The following PTDSS1 variants were observed in gnomAD, a reference collection of about 807,000 sequenced individuals.
PTDSS1 encodes PSS-1.
Under a neutral mutation model 70.5 loss-of-function variants are expected in PTDSS1, and 45 were observed. That is an observed-to-expected ratio of 0.64 (90% CI 0.50 to 0.82). PTDSS1 has a LOEUF of 0.82. PTDSS1 is among the 40% of genes least tolerant of loss of function. PTDSS1 has a pLI of 0.00. For missense variants in PTDSS1, 417 were observed against 586.1 expected, an observed-to-expected ratio of 0.71 and a Z score of 2.98; for synonymous variants, 188 against 203.8, an observed-to-expected ratio of 0.92 and a Z score of 0.66.
intron 7 of PTDSS1, 120 bp downstream of exon 7, chr8:96,304,301 AT>A (rs1811093855): frequency 3.4e-6 from 4 of 1,192,932 alleles, no homozygotes; most frequent in Admixed American, 2.7e-5. Flanking sequence ...ACAAGATATA[AT>A]ATTCTGCAGC....
intron 5 of PTDSS1, among the ~76,000 whole-genome samples, chr8:96,298,994 C>T (rs1218666060): frequency 2.0e-5 from 3 of 150,740 alleles, no homozygotes; most frequent in Non-Finnish European, 2.9e-5. Context: ...GAGCCGAGAT[C>T]GCACCACTGC....
intron 4 of PTDSS1, among the ~76,000 whole-genome samples, chr8:96,292,422 C>T (rs186427986): frequency 6.1e-4 from 92 of 151,876 alleles, no homozygotes; most frequent in Admixed American, 3.1e-3. Flanking sequence ...CAAGGAAGCA[C>T]GATAGTTAAA....
At chr8:96,290,058 G>C (rs923572926) in intron 4 of PTDSS1, among the ~76,000 whole-genome samples, 1 of 152,112 alleles carries the variant, frequency 6.6e-6, no homozygotes, top group African/African-American at 2.4e-5. Context: ...ATGCATGCTA[G>C]ATGTTCATAT....
intron 3 of PTDSS1, 32 bp downstream of exon 3, chr8:96,284,185 T>C (rs1209330899): frequency 6.4e-7 from 1 of 1,558,442 alleles, no homozygotes; most frequent in Non-Finnish European, 8.8e-7. Flanking sequence ...AAAAGGATGT[T>C]CTATTTTTTT....
chr8:96,325,051 A>G (rs1258504170), intron 10 of PTDSS1, among the ~76,000 whole-genome samples: 2 of 152,180 alleles, frequency 1.3e-5, no homozygotes, highest in Admixed American at 1.3e-4. Flanking sequence ...GATGACGGTG[A>G]TAAGATTTAC....
chr8:96,306,541 C>A lies in PTDSS1; in HGVS notation c.992C>A (p.Thr331Lys), dbSNP rs746733290. The A allele has an allele frequency of 1.2e-6, 2 of 1,611,176 alleles. No individual in the cohort carries two copies. Among genetic ancestry groups the A allele is most frequent in the Non-Finnish European group, 8.5e-7 (1 of 1,177,330 alleles). Residue 331 changes from threonine (T) to lysine (K), a missense_variant, in exon 8 of 13, where the codon ACA becomes AAA. Transcript: ENST00000517309. ...AGAATTCTCTTTATTGGTGGCATCA[C>A]AGCTCCCACAGTGAGGTAATTCTGC... Reference protein sequence around the residue: ...WGRILFIGGITAPTVRQYYAY... With the variant: ...WGRILFIGGIKAPTVRQYYAY...
chr8:96,302,781 C>T (rs995338874), intron 6 of PTDSS1, among the ~76,000 whole-genome samples: 2 of 152,090 alleles, frequency 1.3e-5, no homozygotes, highest in Admixed American at 6.5e-5. Context: ...AGGGTTTCAC[C>T]ATGTTGGCCA....
chr8:96,327,860 A>G (rs1437910449), intron 10 of PTDSS1, among the ~76,000 whole-genome samples: 1 of 152,092 alleles, frequency 6.6e-6, no homozygotes, highest in South Asian at 2.1e-4. Flanking sequence ...CTTTAAACGA[A>G]GTGTGCAATT....
intron 2 of PTDSS1, among the ~76,000 whole-genome samples, chr8:96,275,581 T>G (rs571280751): frequency 6.6e-6 from 1 of 152,316 alleles, no homozygotes; most frequent in East Asian, 1.9e-4. Flanking sequence ...AGTGCCGTAT[T>G]GTATATGATA....
chr8:96,317,466 G>A (rs1259915220), intron 9 of PTDSS1, among the ~76,000 whole-genome samples: 1 of 152,142 alleles, frequency 6.6e-6, no homozygotes, highest in East Asian at 1.9e-4. Flanking sequence ...CAGGTGCAGT[G>A]GCTCATACCT....
At chr8:96,302,722 C>T (rs1357334895) in intron 6 of PTDSS1, among the ~76,000 whole-genome samples, 4 of 152,110 alleles carry the variant, frequency 2.6e-5, no homozygotes, top group African/African-American at 9.7e-5. Flanking sequence ...GCTGGGACTG[C>T]AGGCACCCGC....
rs1388828265 is a variant in PTDSS1, at chr8:96,333,800, C to T, written c.*234C>T. On this transcript the variant is annotated 3_prime_UTR_variant, in exon 13 of 13. Transcript: ENST00000517309. ...CGTGGGGTCTCTTCTAACTTCAGCA[C>T]TTGACATGCGGTCACCGGTGGCAGC... 1.4e-6 allele frequency: 1 copy of T among 698,436 alleles called. No individual in the cohort carries two copies. 43.3% of individuals were successfully genotyped at this position (698,436 alleles called of 1,614,324 possible).
intron 4 of PTDSS1, among the ~76,000 whole-genome samples, chr8:96,288,049 A>G (rs912508402): frequency 6.6e-6 from 1 of 152,170 alleles, no homozygotes; most frequent in African/African-American, 2.4e-5. Flanking sequence ...AGGGGTTCCC[A>G]CAATATCCTC....
chr8:96,309,597 G>GT lies in PTDSS1; in HGVS notation c.1049dup (p.Gly351ArgfsTer28). ...CCTCACCGACACACAGTGCAAGCGC[G>GT]TAGGAACACAATGCTGGGTGTTTGG... On this transcript the variant is annotated frameshift_variant, in exon 9 of 13. Coordinates refer to ENST00000517309, the MANE Select transcript of PTDSS1 (RefSeq NM_014754.3). LOFTEE classifies it high-confidence loss of function. The GT allele has an allele frequency of 1.2e-6, 2 of 1,613,944 alleles. No individual in the cohort carries two copies. The highest frequency in any genetic ancestry group is 1.7e-6 in the Non-Finnish European group (2 of 1,179,900).
chr8:96,307,069 C>T (rs1811134525), intron 8 of PTDSS1, among the ~76,000 whole-genome samples: 1 of 152,136 alleles, frequency 6.6e-6, no homozygotes, highest in Non-Finnish European at 1.5e-5. Flanking sequence ...CGCCATTATT[C>T]CCCTGGATTA....
At chr8:96,291,612 C>G (rs1810905965) in intron 4 of PTDSS1, among the ~76,000 whole-genome samples, 1 of 152,192 alleles carries the variant, frequency 6.6e-6, no homozygotes, top group Admixed American at 6.5e-5. Flanking sequence ...TTTTAAATCT[C>G]TTTTCATCTG....
In PTDSS1 at chr8:96,262,245, GCGC is replaced by G; in HGVS notation, c.179+27_179+29del. 6.2e-7 allele frequency: 1 copy of G among 1,601,468 alleles called. No individual in the cohort carries two copies. Among genetic ancestry groups the G allele is most frequent in the Non-Finnish European group, 8.5e-7 (1 of 1,172,036 alleles). On this transcript the variant is annotated intron_variant, in intron 1 of 12. Transcript: ENST00000517309. This position sits in a 1 kb window ranked among gnomAD's most constrained non-coding sequence, Gnocchi z 4.4. ...GTGGGGCGGCCCAGCCGAGCGGGGG[GCGC>G]GTCCAAGGGCTAGGGAAGAGGCGGG...
At chr8:96,326,529 C>G (rs763353073) in intron 10 of PTDSS1, among the ~76,000 whole-genome samples, 63 of 152,112 alleles carry the variant, frequency 4.1e-4, no homozygotes, top group Admixed American at 1.3e-3. Flanking sequence ...CAAAAACTTG[C>G]GACATGCAGG....
At chr8:96,274,220 G>A (rs189493757) in intron 2 of PTDSS1, among the ~76,000 whole-genome samples, 3 of 151,552 alleles carry the variant, frequency 2.0e-5, no homozygotes, top group Non-Finnish European at 2.9e-5. Flanking sequence ...TGGGCCGGAC[G>A]TACTCGGGTT....
Sources: gnomAD v4.1 joint callset for allele counts (sites outside exome capture counted in the v4.1 genomes callset) on GRCh38, gnomAD v4.1.1 for gene constraint, Gnocchi (gnomAD v3.1) non-coding constraint, MANE v1.5 for transcripts, NCBI Gene and HGNC (gene_info 2026-07-23, HGNC 2026-07-21) for gene names.